ANKS1B: variants seen among roughly 807,000 people sequenced by gnomAD.
The protein encoded by ANKS1B is ankyrin repeat and sterile alpha motif domain-containing protein 1B.
ANKS1B carries 36 observed loss-of-function variants against 148.3 expected under a neutral mutation model. That is an observed-to-expected ratio of 0.24 (90% CI 0.19 to 0.32). ANKS1B has a LOEUF of 0.32. Among genes scored for constraint, ANKS1B ranks in the 10% least tolerant of loss-of-function variants. The pLI, the probability that ANKS1B is intolerant of heterozygous loss-of-function variation, is 1.00. For synonymous variants in ANKS1B, 542 were observed against 560.8 expected (o/e 0.97, Z 0.47); for missense variants, 1,157 against 1,542.6 (o/e 0.75, Z 4.19).
intron 14 of ANKS1B, among the ~76,000 whole-genome samples, chr12:99,220,318 A>G (rs1342862645): frequency 2.6e-5 from 4 of 152,012 alleles, no homozygotes; most frequent in African/African-American, 4.8e-5. Context: ...ATAAAGGTAA[A>G]TAATTATAAC....
Position 98,782,121 on chromosome 12 carries a change from C to A in ANKS1B, c.3354+5G>T. The A allele has an allele frequency of 6.3e-7, 1 of 1,598,788 alleles. No homozygotes were observed. The highest frequency in any genetic ancestry group is 8.5e-7 in the Non-Finnish European group (1 of 1,171,952). ...TAATCACACTAAACATCAAGAAGAA[C>A]CTACCTGACAGTTAGCCTGGTGGAT... On this transcript the variant is annotated splice_donor_5th_base_variant and intron_variant, in intron 23 of 26. Transcript: ENST00000683438.
intron 9 of ANKS1B, among the ~76,000 whole-genome samples, chr12:99,560,383 T>C (rs370066793): frequency 6.8e-6 from 1 of 147,010 alleles, no homozygotes; most frequent in Non-Finnish European, 1.5e-5. Context: ...CAGTTTTCTA[T>C]GATTTTTTTT....
chr12:99,313,208 C>A (rs2083439244), intron 12 of ANKS1B, among the ~76,000 whole-genome samples: 1 of 151,854 alleles, frequency 6.6e-6, no homozygotes, highest in South Asian at 2.1e-4. Flanking sequence ...ATACATCCTC[C>A]CAGAAACCAG....
intron 14 of ANKS1B, among the ~76,000 whole-genome samples, chr12:99,210,631 A>C (rs1365814330): frequency 6.6e-6 from 1 of 152,206 alleles, no homozygotes; most frequent in Non-Finnish European, 1.5e-5. Flanking sequence ...CCTTGCTGAC[A>C]CTTCTTATTG....
intron 12 of ANKS1B, among the ~76,000 whole-genome samples, chr12:99,341,717 GGTAAGTACT>G (rs952358238): frequency 1.1e-4 from 16 of 152,060 alleles, no homozygotes; most frequent in African/African-American, 3.9e-4. Flanking sequence ...TGCAGTATCT[GGTAAGTACT>G]GTAAGTAGGT....
chr12:99,074,491 G>A (rs2047215947), intron 16 of ANKS1B, among the ~76,000 whole-genome samples: 2 of 152,102 alleles, frequency 1.3e-5, no homozygotes, highest in Non-Finnish European at 1.5e-5. Context: ...AATCTATCCA[G>A]CCCATACAGT....
intron 15 of ANKS1B, among the ~76,000 whole-genome samples, chr12:99,085,506 T>C (rs899044895): frequency 2.6e-5 from 4 of 152,178 alleles, no homozygotes; most frequent in African/African-American, 9.7e-5. Flanking sequence ...ACAGATTTTG[T>C]GCGGAAGGCT....
intron 9 of ANKS1B, among the ~76,000 whole-genome samples, chr12:99,609,246 A>C (rs753728756): frequency 3.9e-5 from 6 of 151,990 alleles, no homozygotes; most frequent in Middle Eastern, 3.2e-3. Context: ...AATCCTTTCA[A>C]ATGTCTTATT....
At position 98,885,860 on chromosome 12, in the gene ANKS1B, C is replaced by G. The variant is rs140691189; in HGVS notation, c.2779-53724G>C. Among the ~76,000 whole-genome samples, 7 of 152,146 alleles carry G rather than the reference C, an allele frequency of 4.6e-5. No individual in the cohort carries two copies. In the East Asian group the frequency reaches 1.4e-3, roughly 29 times the overall value. On this transcript the variant is annotated intron_variant, in intron 17 of 26. Transcript: ENST00000683438. ...TAGATCCAAGCAATAAAACATAGCT[C>G]AAAGAGGAAGCAAACTGGTCTCCAA...
chr12:99,388,061 A>G (rs1329360804), intron 12 of ANKS1B, among the ~76,000 whole-genome samples: 1 of 152,180 alleles, frequency 6.6e-6, no homozygotes, highest in East Asian at 1.9e-4. Context: ...TTCTTATATA[A>G]AAGTTATTAA....
At chr12:99,894,687 T>C (rs923789381) in intron 1 of ANKS1B, among the ~76,000 whole-genome samples, 1 of 150,162 alleles carries the variant, frequency 6.7e-6, no homozygotes, top group Non-Finnish European at 1.5e-5. Context: ...TTCCATACTT[T>C]ATTATAAAAT....
At chr12:98,735,160 G>A (rs762349701) in exon 10 of ANKS1B, 7 of 398,668 alleles carry the variant, frequency 1.8e-5, no homozygotes, top group Non-Finnish European at 3.1e-5. Flanking sequence ...AAATTTCATG[G>A]CAGTTCATGC....
intron 12 of ANKS1B, among the ~76,000 whole-genome samples, chr12:99,331,485 A>C (rs2087545723): frequency 6.6e-6 from 1 of 151,978 alleles, no homozygotes; most frequent in African/African-American, 2.4e-5. Flanking sequence ...TAATCAGTCA[A>C]CAATATGAAC....
chr12:98,894,234 G>C (rs1355681625), intron 17 of ANKS1B, among the ~76,000 whole-genome samples: 1 of 152,142 alleles, frequency 6.6e-6, no homozygotes, highest in Non-Finnish European at 1.5e-5. Context: ...AAATTACGTG[G>C]ACTTGGCATG....
intron 1 of ANKS1B, among the ~76,000 whole-genome samples, chr12:99,834,527 T>C (rs2084522529): frequency 6.6e-6 from 1 of 152,196 alleles, no homozygotes; most frequent in Non-Finnish European, 1.5e-5. Flanking sequence ...AGAATAAATA[T>C]AAACAAAATA....
chr12:99,623,784 G>A (rs553937017), intron 9 of ANKS1B, among the ~76,000 whole-genome samples: 9 of 151,930 alleles, frequency 5.9e-5, no homozygotes, highest in South Asian at 4.1e-4. Flanking sequence ...AACATTCCAC[G>A]CTCATGGATT....
intron 17 of ANKS1B, among the ~76,000 whole-genome samples, chr12:98,865,019 TC>T (rs1237422487): frequency 6.6e-6 from 1 of 152,166 alleles, no homozygotes; most frequent in African/African-American, 2.4e-5. Context: ...TCTAATCAAA[TC>T]ATGTGCCTTC....
chr12:99,694,963 T>A (rs2053666307), intron 8 of ANKS1B, among the ~76,000 whole-genome samples: 1 of 152,194 alleles, frequency 6.6e-6, no homozygotes, highest in Non-Finnish European at 1.5e-5. Context: ...CTCATTAATC[T>A]TAGTTTTGTC....
chr12:99,506,173 C>T lies in ANKS1B; in HGVS notation c.1273-1532G>A, dbSNP rs1003399241. The stretch of plus-strand genomic sequence containing the variant: ...GTCAAAAACTCGTAAGTTGAACCAT[C>T]ATGAGTTGCAGACCATCTGTATGTG... On this transcript the variant is annotated intron_variant, in intron 9 of 26. Transcript: ENST00000683438. Among the ~76,000 whole-genome samples the T allele has an allele frequency of 7.2e-5, 11 of 152,082 alleles. 1 individual carries two copies. The highest frequency in any genetic ancestry group is 2.6e-4 in the Admixed American group (4 of 15,240).
Sources: allele counts gnomAD v4.1 joint callset (sites outside exome capture counted in the v4.1 genomes callset), GRCh38; gene constraint gnomAD v4.1.1; transcripts MANE v1.5; gene names NCBI Gene and HGNC (gene_info 2026-07-23, HGNC 2026-07-21).